SRPK2: variants seen among roughly 807,000 people sequenced by gnomAD.
SRPK2 encodes the protein SFRS protein kinase 2.
In SRPK2, 21 loss-of-function variants were observed where a neutral mutation model predicts 90.8. The observed-to-expected ratio is 0.23, with a 90% CI of 0.16 to 0.33. The LOEUF (loss-of-function observed/expected upper bound fraction) is 0.33, where lower values mean the gene tolerates loss of function less well. SRPK2 is among the 10% of genes least tolerant of loss of function. The pLI is 1.00. For missense variants in SRPK2, 620 were observed against 869.0 expected, an observed-to-expected ratio of 0.71 and a Z score of 3.60; for synonymous variants, 288 against 311.1, an observed-to-expected ratio of 0.93 and a Z score of 0.78.
rs75436840 is a variant in SRPK2 at position 105,121,576 on chromosome 7, A to G, written c.1916-3554T>C. Among the ~76,000 whole-genome samples, 558 of 152,236 alleles carry G rather than the reference A, an allele frequency of 3.7e-3. 14 individuals carry two copies. The East Asian group carries it at 0.062, about 17-fold the overall frequency. On this transcript the variant is annotated intron_variant, in intron 15 of 15. Coordinates refer to ENST00000393651, the MANE Select transcript of SRPK2 (RefSeq NM_182692.3). Reference sequence around the variant, plus strand: ...CTCAGTATCAACTCACACACACACAAGCAAACATGAGCCTGGCAGCCAATT... The same window carrying G: ...CTCAGTATCAACTCACACACACACAGGCAAACATGAGCCTGGCAGCCAATT...
chr7:105,190,452 C>A (rs2129604330), intron 3 of SRPK2, among the ~76,000 whole-genome samples: 1 of 152,256 alleles, frequency 6.6e-6, no homozygotes, highest in South Asian at 2.1e-4. Context: ...CATTAAATTT[C>A]TCAAAGGCTT....
At chr7:105,394,309 A>T (rs548164192), upstream of SRPK2, among the ~76,000 whole-genome samples, 1 of 152,024 alleles carries the variant, frequency 6.6e-6, no homozygotes, top group South Asian at 2.1e-4. Context: ...TGCCCAGCTA[A>T]TTTTTGTATT....
At chr7:105,363,221 A>G (rs1355136407) in intron 2 of SRPK2, among the ~76,000 whole-genome samples, 2 of 151,952 alleles carry the variant, frequency 1.3e-5, no homozygotes, top group Non-Finnish European at 2.9e-5. Context: ...AAATAAAAGA[A>G]ACTACCATCA....
intron 2 of SRPK2, among the ~76,000 whole-genome samples, chr7:105,378,141 C>G (rs1820524904): frequency 6.6e-6 from 1 of 152,152 alleles, no homozygotes; most frequent in African/African-American, 2.4e-5. Context: ...TTAAACCCCA[C>G]ATGTTGACAC....
chr7:105,137,406 C>G (rs1320576649), intron 11 of SRPK2, among the ~76,000 whole-genome samples: 4 of 152,130 alleles, frequency 2.6e-5, no homozygotes, highest in Non-Finnish European at 5.9e-5. Context: ...GAAGTTAAGC[C>G]TTAAACAGTT....
intron 2 of SRPK2, among the ~76,000 whole-genome samples, chr7:105,335,907 G>A (rs1327073050): frequency 6.6e-6 from 1 of 151,718 alleles, no homozygotes; most frequent in Non-Finnish European, 1.5e-5. Flanking sequence ...GGTGAGCCGA[G>A]GTCATGCCAT....
intron 2 of SRPK2, among the ~76,000 whole-genome samples, chr7:105,256,361 G>GT (rs2129633542): frequency 6.6e-6 from 1 of 152,134 alleles, no homozygotes; most frequent in South Asian, 2.1e-4. Flanking sequence ...ACGTACGTAT[G>GT]TATGTATTTT....
intron 3 of SRPK2, among the ~76,000 whole-genome samples, chr7:105,190,368 A>G (rs1388749281): frequency 3.3e-5 from 5 of 152,162 alleles, no homozygotes; most frequent in East Asian, 3.8e-4. Flanking sequence ...AAATGAACAC[A>G]TATCTTGGTT....
At chr7:105,178,917 C>T (rs1012020505) in intron 3 of SRPK2, among the ~76,000 whole-genome samples, 2 of 152,246 alleles carry the variant, frequency 1.3e-5, no homozygotes, top group South Asian at 2.1e-4. Flanking sequence ...ATTTAAATTA[C>T]ATTCACCACA....
intron 2 of SRPK2, among the ~76,000 whole-genome samples, chr7:105,217,741 G>C (rs1797635359): frequency 6.6e-6 from 1 of 152,056 alleles, no homozygotes; most frequent in African/African-American, 2.4e-5. Flanking sequence ...CTGCTAAAAT[G>C]AGAAAAAAAT....
rs1358525408 is a variant in SRPK2 at position 105,349,349 on chromosome 7, C to A, written c.71+39299G>T. On this transcript the variant is annotated intron_variant, in intron 2 of 15. Transcript: ENST00000393651. ...ACCAGCCCGACCAACATGGAGAAGC[C>A]CCATCTCTACTAAAAATACAAAATT... Among the ~76,000 whole-genome samples the A allele has an allele frequency of 2.0e-5, 3 of 151,698 alleles. No homozygotes were observed. In the East Asian group the frequency reaches 5.8e-4, roughly 29 times the overall value.
In SRPK2 at chr7:105,305,642, T is replaced by C. The variant is rs1585632939; in HGVS notation, c.71+83006A>G. On this transcript the variant is annotated intron_variant, in intron 2 of 15. Coordinates refer to ENST00000393651, the MANE Select transcript of SRPK2 (RefSeq NM_182692.3). ...CCAACAGGAAAAAAATGAAGCACAC[T>C]GTTGGAGAGGAAAACACTCTTTCCC... 4.7e-5 allele frequency among the ~76,000 whole-genome samples: 7 copies of C among 149,268 alleles called. No individual in the cohort carries two copies. In the East Asian group the frequency reaches 1.4e-3, roughly 30 times the overall value.
chr7:105,389,323 C>T, upstream of SRPK2: 1 of 1,281,188 alleles, frequency 7.8e-7, no homozygotes. Context: ...ACCTCTCTTC[C>T]CGCGGCCTCT....
chr7:105,183,812 T>C lies in SRPK2; in HGVS notation c.230-14547A>G, dbSNP rs1793211446. On this transcript the variant is annotated intron_variant, in intron 3 of 15. Transcript: ENST00000393651. ...GCGTGGCTGTTTTTAAGAGGCCATG[T>C]CTAGAGATTTACTTGACTCTGTAAT... 2.6e-5 allele frequency among the ~76,000 whole-genome samples: 4 copies of C among 152,242 alleles called. No individual in the cohort carries two copies. The South Asian group carries it at 8.3e-4, about 32-fold the overall frequency.
At chr7:105,233,091 AGAAG>A (rs60327841) in intron 2 of SRPK2, among the ~76,000 whole-genome samples, 11,241 of 91,746 alleles carry the variant, frequency 0.12, 709 homozygotes, top group Admixed American at 0.14. Context: ...AAGGAAGGAA[AGAAG>A]GAAGGAAGGA....
intron 2 of SRPK2, among the ~76,000 whole-genome samples, chr7:105,263,151 C>G (rs558457540): frequency 1.1e-4 from 17 of 151,960 alleles, no homozygotes; most frequent in Non-Finnish European, 1.3e-4. Flanking sequence ...GGCAAAACCC[C>G]GTGTCTACTA....
chr7:105,339,687 C>G (rs1204073), intron 2 of SRPK2, among the ~76,000 whole-genome samples: 4,665 of 152,264 alleles, frequency 0.031, 247 homozygotes, highest in African/African-American at 0.11. Context: ...TGACCAGGAT[C>G]CTGGTCCTAA....
intron 3 of SRPK2, among the ~76,000 whole-genome samples, chr7:105,182,670 G>A (rs1040644713): frequency 2.6e-5 from 4 of 152,168 alleles, no homozygotes; most frequent in Non-Finnish European, 5.9e-5. Flanking sequence ...ATTTGGCCAT[G>A]TTGGCCAGGC....
At chr7:105,259,677 C>A (rs145873931) in intron 2 of SRPK2, among the ~76,000 whole-genome samples, 2,389 of 152,210 alleles carry the variant, frequency 0.016, 62 homozygotes, top group African/African-American at 0.053. Context: ...GGTACTGGTA[C>A]CAAAACTGAG....
Sources: allele counts gnomAD v4.1 joint callset (sites outside exome capture counted in the v4.1 genomes callset), GRCh38; gene constraint gnomAD v4.1.1; transcripts MANE v1.5; gene names NCBI Gene and HGNC (gene_info 2026-07-23, HGNC 2026-07-21).